PLSCR5: variants seen among roughly 807,000 people sequenced by gnomAD.
PLSCR5 encodes the protein phospholipid scramblase family member 5.
PLSCR5 carries 44 observed loss-of-function variants against 33.6 expected under a neutral mutation model. The observed-to-expected ratio is 1.31, with a 90% CI of 1.03 to 1.69. The LOEUF (loss-of-function observed/expected upper bound fraction) is 1.69. PLSCR5 is among the 40% of genes most tolerant of loss of function. The probability of loss-of-function intolerance (pLI) is 0.00; values close to 1 mark genes in which losing one functional copy is unlikely to be tolerated. For synonymous variants in PLSCR5, 148 were observed against 112.3 expected (o/e 1.32, Z -2.01); for missense variants, 375 against 318.7 (o/e 1.18, Z -1.34).
rs746961847 is a variant in PLSCR5, at chr3:146,600,382, T to C, written c.95A>G (p.Asn32Ser). 7 of 1,610,696 alleles carry C rather than the reference T, an allele frequency of 4.3e-6. No homozygotes were observed. Among genetic ancestry groups the C allele is most frequent in the Middle Eastern group, 1.7e-4 (1 of 6,044 alleles). The change falls in exon 2 of 8, where the codon AAT (asparagine) becomes AGT (serine). Residue 32 changes from asparagine to serine, a missense_variant. Physicochemically the swap from Asn to Ser is conservative, Grantham distance 46. Coordinates refer to ENST00000443512, the MANE Select transcript of PLSCR5 (RefSeq NM_001085420.2). Reference sequence around the variant, plus strand: ...CAGCTGCCATGCTTGGTTCCCTGGATTGGAAGAGGCAGGAAGGCTTTGGTC... The same window carrying C: ...CAGCTGCCATGCTTGGTTCCCTGGACTGGAAGAGGCAGGAAGGCTTTGGTC... The part of the protein sequence containing the change: ...DPDQSLPASS[N>S]PGNQAWQLSL...
At chr3:146,592,030 C>A in intron 4 of PLSCR5, 149 bp from the exon 5 acceptor site, 1 of 764,050 alleles carries the variant, frequency 1.3e-6, no homozygotes. Flanking sequence ...TCTAAGGATA[C>A]AGATTTTATA....
intron 2 of PLSCR5, among the ~76,000 whole-genome samples, chr3:146,598,097 A>G (rs112346327): frequency 0.041 from 6,220 of 152,274 alleles, 151 homozygotes; most frequent in Non-Finnish European, 0.059. Flanking sequence ...CAAATTGTTC[A>G]TGGAAACAAG....
At chr3:146,590,987 G>GTTT (rs376959020) in intron 5 of PLSCR5, among the ~76,000 whole-genome samples, 15 of 88,108 alleles carry the variant, frequency 1.7e-4, no homozygotes, top group East Asian at 8.6e-4. Context: ...CGAGAATAAG[G>GTTT]TTTTTTTTTG....
At chr3:146,586,847 A>C (rs2044669811) in intron 6 of PLSCR5, among the ~76,000 whole-genome samples, 1 of 152,216 alleles carries the variant, frequency 6.6e-6, no homozygotes, top group African/African-American at 2.4e-5. Context: ...AAAATTAAAA[A>C]CATAATTCTT....
chr3:146,580,569 ATTC>A (rs1350965204), intron 7 of PLSCR5, among the ~76,000 whole-genome samples: 1 of 146,602 alleles, frequency 6.8e-6, no homozygotes, highest in African/African-American at 2.6e-5. Context: ...GGTTCAAGCA[ATTC>A]TTCTACCTCA....
intron 2 of PLSCR5, among the ~76,000 whole-genome samples, chr3:146,595,982 A>C (rs1203435003): frequency 6.6e-6 from 1 of 152,222 alleles, no homozygotes; most frequent in Non-Finnish European, 1.5e-5. Context: ...GGATGCCAAC[A>C]AAATACCAAT....
intron 7 of PLSCR5, among the ~76,000 whole-genome samples, chr3:146,579,927 T>G (rs2044622469): frequency 6.6e-6 from 1 of 152,196 alleles, no homozygotes; most frequent in South Asian, 2.1e-4. Flanking sequence ...TATATTTCTA[T>G]TTCTTCTGTG....
chr3:146,604,124 A>T (rs1046738640), intron 1 of PLSCR5, among the ~76,000 whole-genome samples: 2 of 152,108 alleles, frequency 1.3e-5, no homozygotes, highest in Non-Finnish European at 1.5e-5. Flanking sequence ...CTATTATCCT[A>T]TTTGTAATTA....
intron 7 of PLSCR5, among the ~76,000 whole-genome samples, chr3:146,578,822 T>C (rs1384713947): frequency 4.6e-5 from 7 of 152,136 alleles, no homozygotes; most frequent in African/African-American, 1.7e-4. Flanking sequence ...TGTAATTGTT[T>C]TTTAAAAACA....
At chr3:146,577,987 C>T (rs2044609441) in intron 7 of PLSCR5, among the ~76,000 whole-genome samples, 1 of 152,056 alleles carries the variant, frequency 6.6e-6, no homozygotes, top group South Asian at 2.1e-4. Context: ...GTATTTTCTA[C>T]AGCTAGCTTT....
chr3:146,591,992 AT>A, intron 4 of PLSCR5, 111 bp from the exon 5 acceptor site: 1 of 958,012 alleles, frequency 1.0e-6, no homozygotes, highest in Non-Finnish European at 1.5e-6. Context: ...TTATTTTGAT[AT>A]TCTACAAATC....
At chr3:146,580,886 A>G (rs544756572), downstream of PLSCR5, among the ~76,000 whole-genome samples, 2 of 152,270 alleles carry the variant, frequency 1.3e-5, no homozygotes, top group African/African-American at 4.8e-5. Context: ...ACCCTGAATT[A>G]CTTTTTCATG....
At chr3:146,597,644 C>G (rs2107856994) in intron 2 of PLSCR5, among the ~76,000 whole-genome samples, 1 of 152,244 alleles carries the variant, frequency 6.6e-6, no homozygotes, top group East Asian at 1.9e-4. Flanking sequence ...CACTTACAAA[C>G]TATGGCCCAA....
At chr3:146,578,059 G>A (rs73003942) in intron 7 of PLSCR5, among the ~76,000 whole-genome samples, 11,637 of 148,190 alleles carry the variant, frequency 0.079, 499 homozygotes, top group East Asian at 0.16. Flanking sequence ...TATAATATAG[G>A]TGCCAAAATG....
intron 1 of PLSCR5, among the ~76,000 whole-genome samples, chr3:146,601,396 C>T (rs2044814384): frequency 6.6e-6 from 1 of 151,892 alleles, no homozygotes; most frequent in Non-Finnish European, 1.5e-5. Flanking sequence ...TTTTACTTCT[C>T]ATGTTTAGTA....
intron 4 of PLSCR5, among the ~76,000 whole-genome samples, chr3:146,593,107 C>A (rs1018745485): frequency 6.6e-6 from 1 of 152,142 alleles, no homozygotes; most frequent in African/African-American, 2.4e-5. Flanking sequence ...CAGGTTCTAA[C>A]AGAGAAGGTT....
chr3:146,586,025 C>T lies in PLSCR5; in HGVS notation c.*44+5G>A, dbSNP rs982237962. On this transcript the variant is annotated splice_donor_5th_base_variant and intron_variant, in intron 7 of 7. Transcript: ENST00000443512. ...AGAGATCATTTAAACTTGCTTTTTA[C>T]TTACTGAAATATGTTCTGCATATTT... 2 of 1,448,582 alleles carry T rather than the reference C, an allele frequency of 1.4e-6. No homozygotes were observed. Among genetic ancestry groups the T allele is most frequent in the African/African-American group, 3.0e-5 (2 of 67,704 alleles). 89.7% of individuals were successfully genotyped at this position (1,448,582 alleles called of 1,614,324 possible). A position where few individuals can be genotyped will look rare whatever the true frequency, so the allele number is the denominator to read the frequency against.
chr3:146,592,128 A>T (rs1269796728), intron 4 of PLSCR5, among the ~76,000 whole-genome samples: 1 of 152,032 alleles, frequency 6.6e-6, no homozygotes, highest in Non-Finnish European at 1.5e-5. Flanking sequence ...TTCCCTAAAG[A>T]GAATCTACCC....
Position 146,602,725 on chromosome 3 carries a change from C to T in PLSCR5, c.14-2262G>A, listed in dbSNP as rs2044829553. Among the ~76,000 whole-genome samples, 3 of 152,128 alleles carry T rather than the reference C, an allele frequency of 2.0e-5. No individual in the cohort carries two copies. The South Asian group carries it at 6.2e-4, about 32-fold the overall frequency. On this transcript the variant is annotated intron_variant, in intron 1 of 7. Transcript: ENST00000443512. ...TGTTAAAGGGATTCACAAATTACCC[C>T]AATTTTATCTTGTAAATTATGTTTG... is the stretch of plus-strand genomic sequence containing the variant.
Sources: allele counts gnomAD v4.1 joint callset (sites outside exome capture counted in the v4.1 genomes callset), GRCh38; gene constraint gnomAD v4.1.1; transcripts MANE v1.5; gene names NCBI Gene and HGNC (gene_info 2026-07-23, HGNC 2026-07-21).